NEURL3: variants seen among roughly 807,000 people sequenced by gnomAD.
NEURL3 encodes E3 ubiquitin-protein ligase NEURL3.
NEURL3 carries 19 observed loss-of-function variants against 17.6 expected under a neutral mutation model. That is an observed-to-expected ratio of 1.08 (90% confidence interval 0.75 to 1.58). The LOEUF (loss-of-function observed/expected upper bound fraction) is 1.58, where lower values mean the gene tolerates loss of function less well. Ranked by LOEUF, NEURL3 falls within the 40% of genes most tolerant of loss-of-function variation. NEURL3 has a pLI of 0.00. For synonymous variants in NEURL3, 180 were observed against 161.4 expected (o/e 1.11, Z -0.87); for missense variants, 342 against 379.6 (o/e 0.90, Z 0.82).
chr2:96,503,961 G>T (rs1253551627), intron 1 of NEURL3, among the ~76,000 whole-genome samples: 1 of 152,228 alleles, frequency 6.6e-6, no homozygotes, highest in Non-Finnish European at 1.5e-5. Context: ...TTGCAGGCAG[G>T]ACCCTGAGCT....
chr2:96,502,911 T>C (rs972190250), intron 1 of NEURL3, among the ~76,000 whole-genome samples: 2 of 152,184 alleles, frequency 1.3e-5, no homozygotes, highest in African/African-American at 2.4e-5. Context: ...CCTCACCCAG[T>C]GCAGCCCCTA....
At chr2:96,500,062 G>T (rs945031932) in intron 2 of NEURL3, 7 of 253,622 alleles carry the variant, frequency 2.8e-5, no homozygotes, top group Admixed American at 1.1e-4. Context: ...CACTCTCCAT[G>T]CGCACCTCTA....
At chr2:96,500,359 T>G (rs1227306322) in intron 2 of NEURL3, 80 bp downstream of exon 2, 55 of 1,561,248 alleles carry the variant, frequency 3.5e-5, no homozygotes, top group Non-Finnish European at 4.7e-5. Context: ...ACGTTCTTCC[T>G]GTGGCTCTGG....
upstream of NEURL3, chr2:96,505,402 T>A: frequency 1.0e-6 from 1 of 975,218 alleles, no homozygotes; most frequent in Non-Finnish European, 1.6e-6. Flanking sequence ...AGAGATCACG[T>A]TACAAAGTTG....
upstream of NEURL3, among the ~76,000 whole-genome samples, chr2:96,507,121 A>G (rs1011201004): frequency 6.6e-6 from 1 of 152,222 alleles, no homozygotes; most frequent in Non-Finnish European, 1.5e-5. Context: ...CCATGAGGCC[A>G]TAAGACCCAT....
chr2:96,500,785 G>A lies in NEURL3; in HGVS notation c.168C>T (p.Arg56=). 6.6e-7 allele frequency: 1 copy of A among 1,526,586 alleles called. No individual in the cohort carries two copies. 94.6% of individuals were successfully genotyped at this position (1,526,586 alleles called of 1,614,324 possible). A position where few individuals can be genotyped will look rare whatever the true frequency, so the allele number is the denominator to read the frequency against. The change falls in exon 2 of 4, where the codon CGC becomes CGT. Residue 56 remains arginine, a synonymous_variant. Coordinates refer to ENST00000451794, the MANE Select transcript of NEURL3 (RefSeq NM_001285485.2). ...CTCGCAGCGCCACACGCTCGCCCAGGCGCACCGGCCGCTGGCTGAACACGA... is the reference window on the plus strand; with the variant it reads ...CTCGCAGCGCCACACGCTCGCCCAGACGCACCGGCCGCTGGCTGAACACGA... ...DGIVFSQRPV[R]LGERVALRVL... is the part of the protein sequence containing the mutation.
upstream of NEURL3, among the ~76,000 whole-genome samples, chr2:96,507,112 C>T (rs188204511): frequency 3.3e-4 from 51 of 152,284 alleles, no homozygotes; most frequent in Non-Finnish European, 5.0e-4. Flanking sequence ...GAAGTAGGGC[C>T]ATGAGGCCAT....
In NEURL3 at chr2:96,505,265, C is replaced by A; in HGVS notation, c.22G>T (p.Glu8Ter). The A allele has an allele frequency of 6.3e-7, 1 of 1,599,174 alleles. No individual in the cohort carries two copies. Among genetic ancestry groups the A allele is most frequent in the South Asian group, 1.1e-5 (1 of 91,086 alleles). ...TTGCAGGAGGTCTACTTACTGGCCTCGAAGCAGAGCTGGGCACCCATCAGT... is the reference window on the plus strand; with the variant it reads ...TTGCAGGAGGTCTACTTACTGGCCTAGAAGCAGAGCTGGGCACCCATCAGT... Reference protein sequence around the residue: MGAQLCFEANAKAPREAL... With the variant: MGAQLCF Residue 8 changes from glutamate to a stop codon, truncating the protein, a stop_gained, in exon 1 of 4, where the codon GAG becomes TAG. Coordinates refer to ENST00000451794, the MANE Select transcript of NEURL3 (RefSeq NM_001285485.2). LOFTEE classifies it high-confidence loss of function.
At chr2:96,504,893 A>AAAAAAAAAAAAAAAAAAG (rs2065547574) in intron 1 of NEURL3, among the ~76,000 whole-genome samples, 1 of 149,462 alleles carries the variant, frequency 6.7e-6, no homozygotes, top group Non-Finnish European at 1.5e-5. Flanking sequence ...AAAAAAAAAA[A>AAAAAAAAAAAAAAAAAAG]AAAAAAAGAC....
rs779420462 is a variant in NEURL3 at position 96,498,186 on chromosome 2, T to C, written c.*58A>G. The C allele has an allele frequency of 1.2e-5, 18 of 1,453,598 alleles. No homozygotes were observed. Among genetic ancestry groups the C allele is most frequent in the Admixed American group, 6.9e-5 (3 of 43,206 alleles). 90.0% of individuals were successfully genotyped at this position (1,453,598 alleles called of 1,614,324 possible). A position where few individuals can be genotyped will look rare whatever the true frequency, so the allele number is the denominator to read the frequency against. On this transcript the variant is annotated 3_prime_UTR_variant, in exon 4 of 4. Transcript: ENST00000451794. The surrounding 1 kb of genome is among the most constrained non-coding windows in gnomAD (Gnocchi z 4.4). ...GGTAGGGCTGCGCCTCCTTCCTCTC[T>C]GCAGGGGCCAGACTCAGATCTAGGC...
intron 1 of NEURL3, 41 bp downstream of exon 1, chr2:96,505,218 G>A (rs1329976759): frequency 1.3e-6 from 2 of 1,598,154 alleles, no homozygotes; most frequent in Non-Finnish European, 8.5e-7. Flanking sequence ...TGTACCCCCA[G>A]TCCAGAGACC....
At chr2:96,501,820 G>A (rs1202990820) in intron 1 of NEURL3, among the ~76,000 whole-genome samples, 4 of 152,136 alleles carry the variant, frequency 2.6e-5, no homozygotes, top group African/African-American at 4.8e-5. Flanking sequence ...CTCTTTCTGG[G>A]CTGGGGGAGG....
chr2:96,502,754 C>T (rs897240699), intron 1 of NEURL3, among the ~76,000 whole-genome samples: 7 of 152,326 alleles, frequency 4.6e-5, no homozygotes, highest in Admixed American at 3.9e-4. Flanking sequence ...GGGGCGGTGC[C>T]GGAGATGGTG....
Position 96,497,969 on chromosome 2 carries a change from T to C in NEURL3, c.*275A>G. On this transcript the variant is annotated 3_prime_UTR_variant, in exon 4 of 4. Transcript: ENST00000451794. ...TGAACTCCCTCAGATGTAAAACTGA[T>C]TGGGGATTGGGCCACCCCATCTCTA... The C allele has an allele frequency of 2.3e-6, 1 of 430,944 alleles. No homozygotes were observed. The highest frequency in any genetic ancestry group is 4.1e-5 in the East Asian group (1 of 24,162). 26.7% of individuals were successfully genotyped at this position (430,944 alleles called of 1,614,324 possible).
chr2:96,505,469 T>C (rs2065553502), upstream of NEURL3: 4 of 643,648 alleles, frequency 6.2e-6, no homozygotes, highest in East Asian at 2.8e-5. Context: ...TTCCCAGTGA[T>C]TTCTCCTGAC....
At chr2:96,501,030 A>G in intron 1 of NEURL3, 106 bp from the exon 2 acceptor site, 2 of 1,337,336 alleles carry the variant, frequency 1.5e-6, no homozygotes, top group African/African-American at 1.5e-5. Flanking sequence ...GAGCACCTTG[A>G]CCTTCCCCTA....
intron 1 of NEURL3, among the ~76,000 whole-genome samples, chr2:96,505,033 T>A (rs2065549604): frequency 6.6e-6 from 1 of 152,136 alleles, no homozygotes. Flanking sequence ...AAGATCCCTG[T>A]AAGCCAGCAG....
chr2:96,507,468 G>A (rs2065570093), upstream of NEURL3, among the ~76,000 whole-genome samples: 1 of 152,100 alleles, frequency 6.6e-6, no homozygotes, highest in Admixed American at 6.5e-5. Flanking sequence ...TTTTGTTGTT[G>A]TTGTTGTTGT....
rs1177750599 is a variant in NEURL3 at position 96,497,792 on chromosome 2, G to A, written c.*452C>T. 9 of 157,078 alleles carry A rather than the reference G, an allele frequency of 5.7e-5. No homozygotes were observed. Among genetic ancestry groups the A allele is most frequent in the Non-Finnish European group, 1.1e-4 (8 of 71,602 alleles). The allele number at this position is 157,078 out of a possible 1,614,324, so 9.7% of individuals were successfully genotyped here. A position where few individuals can be genotyped will look rare whatever the true frequency, so the allele number is the denominator to read the frequency against. On this transcript the variant is annotated 3_prime_UTR_variant, in exon 4 of 4. Transcript: ENST00000451794. ...GACCACCCTGAAAGGGAGGCAGGGC[G>A]GGTAACTACAGATCCACTCTACTGG...
Sources: gnomAD v4.1 joint callset for allele counts (sites outside exome capture counted in the v4.1 genomes callset) on GRCh38, gnomAD v4.1.1 for gene constraint, Gnocchi (gnomAD v3.1) non-coding constraint, MANE v1.5 for transcripts, NCBI Gene and HGNC (gene_info 2026-07-23, HGNC 2026-07-21) for gene names.